Variants in FHIT observed in about 807,000 individuals in gnomAD.
The protein encoded by FHIT is fragile histidine triad diadenosine triphosphatase, also known as bis(5'-adenosyl)-triphosphatase.
FHIT carries 19 observed loss-of-function variants against 17.9 expected under a neutral mutation model. The observed-to-expected ratio is 1.06, with a 90% CI of 0.74 to 1.56. FHIT has a LOEUF of 1.56. Ranked by LOEUF, FHIT falls within the 40% of genes most tolerant of loss-of-function variation. The pLI is 0.00. For missense variants in FHIT, 248 were observed against 189.2 expected (o/e 1.31, Z -1.82); for synonymous variants, 81 against 69.7 (o/e 1.16, Z -0.81).
chr3:60,362,751 A>C lies in FHIT; in HGVS notation c.103+174109T>G, dbSNP rs563779664. 4.8e-4 allele frequency among the ~76,000 whole-genome samples: 73 copies of C among 152,320 alleles called. No homozygotes were observed. The South Asian group carries it at 0.014, about 29-fold the overall frequency. On this transcript the variant is annotated intron_variant, in intron 5 of 9. Transcript: ENST00000492590. ...TTGACTCATTTTCTTCATCAATAAA[A>C]CGTGGATCAGATTGCCTTCCTTATA...
chr3:61,033,644 T>C (rs1559926288), intron 3 of FHIT, among the ~76,000 whole-genome samples: 2 of 152,118 alleles, frequency 1.3e-5, no homozygotes, highest in African/African-American at 4.8e-5. Flanking sequence ...AAGGAAAGAC[T>C]CCAGTATGTA....
intron 5 of FHIT, among the ~76,000 whole-genome samples, chr3:60,312,231 G>T (rs979519253): frequency 1.4e-4 from 21 of 152,192 alleles, no homozygotes; most frequent in African/African-American, 4.3e-4. Context: ...AAACACCTGG[G>T]CTCAAGCAAT....
At chr3:60,736,767 A>G (rs945865705) in intron 4 of FHIT, among the ~76,000 whole-genome samples, 6 of 152,240 alleles carry the variant, frequency 3.9e-5, no homozygotes, top group African/African-American at 1.4e-4. Flanking sequence ...GTTTCACATT[A>G]TAAACGGATA....
intron 8 of FHIT, among the ~76,000 whole-genome samples, chr3:59,788,881 G>GTTTTTGTTTTTTTTTT (rs1553677014): frequency 3.5e-5 from 3 of 86,804 alleles, no homozygotes; most frequent in African/African-American, 1.4e-4. Flanking sequence ...GAGTTCATAT[G>GTTTTTGTTTTTTTTTT]TTTTTTTTTT....
chr3:60,895,222 A>C (rs782542329), intron 3 of FHIT, among the ~76,000 whole-genome samples: 1 of 152,188 alleles, frequency 6.6e-6, no homozygotes, highest in Non-Finnish European at 1.5e-5. Flanking sequence ...TATGAGGATT[A>C]GATTCATAGT....
intron 3 of FHIT, among the ~76,000 whole-genome samples, chr3:60,888,065 C>G (rs1465243561): frequency 6.6e-6 from 1 of 152,124 alleles, no homozygotes; most frequent in African/African-American, 2.4e-5. Context: ...TAAGTCCGGC[C>G]TGAAATCTGG....
intron 5 of FHIT, among the ~76,000 whole-genome samples, chr3:60,242,672 C>T (rs1006650208): frequency 6.6e-6 from 1 of 152,024 alleles, no homozygotes; most frequent in South Asian, 2.1e-4. Context: ...GCACAGGGAT[C>T]CCCGAAATAA....
intron 4 of FHIT, among the ~76,000 whole-genome samples, chr3:60,728,920 C>T (rs1367079954): frequency 1.3e-5 from 2 of 152,190 alleles, no homozygotes; most frequent in Non-Finnish European, 2.9e-5. Flanking sequence ...AACTAATATA[C>T]ATCAGTCACA....
intron 3 of FHIT, among the ~76,000 whole-genome samples, chr3:60,974,275 T>C (rs1214413129): frequency 6.6e-6 from 1 of 152,178 alleles, no homozygotes; most frequent in Non-Finnish European, 1.5e-5. Flanking sequence ...GAGAACCTTC[T>C]CCTCCTCCTG....
intron 4 of FHIT, among the ~76,000 whole-genome samples, chr3:60,781,575 C>T (rs1011980012): frequency 2.6e-5 from 4 of 152,166 alleles, no homozygotes; most frequent in Non-Finnish European, 5.9e-5. Flanking sequence ...AAATTGGATA[C>T]ATTTATAGTC....
intron 5 of FHIT, among the ~76,000 whole-genome samples, chr3:60,292,828 A>AT (rs1214346629): frequency 4.0e-5 from 6 of 149,738 alleles, no homozygotes; most frequent in South Asian, 4.3e-4. Flanking sequence ...TGAAATGTGT[A>AT]TTTTTTTGTT....
chr3:60,515,667 C>T (rs1318870592), intron 5 of FHIT, among the ~76,000 whole-genome samples: 1 of 151,788 alleles, frequency 6.6e-6, no homozygotes, highest in Non-Finnish European at 1.5e-5. Context: ...CTATAATTCT[C>T]ATAACAATAG....
chr3:59,884,034 C>G (rs575001374), intron 8 of FHIT, among the ~76,000 whole-genome samples: 80 of 152,244 alleles, frequency 5.3e-4, no homozygotes, highest in African/African-American at 1.9e-3. Context: ...AAAATGTCAA[C>G]CAATATTCAT....
intron 5 of FHIT, among the ~76,000 whole-genome samples, chr3:60,320,695 AAAATG>A: frequency 6.6e-6 from 1 of 152,308 alleles, no homozygotes; most frequent in African/African-American, 2.4e-5. Flanking sequence ...CCAATCAAAT[AAAATG>A]AAAAGATTTC....
At chr3:61,129,350 T>C (rs771501163) in intron 2 of FHIT, among the ~76,000 whole-genome samples, 1 of 152,178 alleles carries the variant, frequency 6.6e-6, no homozygotes, top group Non-Finnish European at 1.5e-5. Context: ...TCCCGTCTGG[T>C]TTTTGCTCTG....
At chr3:61,167,628 C>CAAAAAAAAAA (rs34229498) in intron 2 of FHIT, among the ~76,000 whole-genome samples, 2 of 98,920 alleles carry the variant, frequency 2.0e-5, no homozygotes, top group Non-Finnish European at 4.2e-5. Flanking sequence ...AACTGTGTCT[C>CAAAAAAAAAA]AAAAAAAAAA....
intron 4 of FHIT, among the ~76,000 whole-genome samples, chr3:60,640,899 G>T (rs1366726620): frequency 6.6e-6 from 1 of 152,190 alleles, no homozygotes; most frequent in African/African-American, 2.4e-5. Flanking sequence ...AAACACACAG[G>T]CCAGGTGTGG....
chr3:60,012,370 G>C (rs1700177143), intron 6 of FHIT, among the ~76,000 whole-genome samples: 1 of 148,204 alleles, frequency 6.7e-6, no homozygotes, highest in Non-Finnish European at 1.5e-5. Flanking sequence ...CTGGACTCAA[G>C]TGATTCTCCT....
At chr3:61,097,206 G>C (rs1000384416) in intron 2 of FHIT, among the ~76,000 whole-genome samples, 12 of 152,224 alleles carry the variant, frequency 7.9e-5, no homozygotes, top group African/African-American at 2.9e-4. Context: ...CTGAGGTATC[G>C]GGTTCATCTC....
Sources: allele counts gnomAD v4.1 joint callset (sites outside exome capture counted in the v4.1 genomes callset), GRCh38; gene constraint gnomAD v4.1.1; transcripts MANE v1.5; gene names NCBI Gene and HGNC (gene_info 2026-07-23, HGNC 2026-07-21).